Variants in TRAPPC9 observed in about 807,000 individuals in gnomAD.
The protein encoded by TRAPPC9 is trafficking protein particle complex subunit 9.
TRAPPC9 carries 83 observed loss-of-function variants against 124.0 expected under a neutral mutation model. The observed-to-expected ratio is 0.67, with a 90% CI of 0.56 to 0.80. The LOEUF (loss-of-function observed/expected upper bound fraction) is 0.80. Ranked by LOEUF, TRAPPC9 falls within the 30% of genes least tolerant of loss-of-function variation. The pLI is 0.00. For synonymous variants in TRAPPC9, 638 were observed against 617.5 expected (o/e 1.03, Z -0.49); for missense variants, 1,302 against 1,508.3 (o/e 0.86, Z 2.27).
At chr8:140,100,142 G>A (rs955940028) in intron 17 of TRAPPC9, 1 of 151,356 alleles carries the variant, frequency 6.6e-6, no homozygotes, top group Non-Finnish European at 1.5e-5. Flanking sequence ...TCAGGGTATT[G>A]ACGCCCACCC....
intron 19 of TRAPPC9, among the ~76,000 whole-genome samples, chr8:139,922,090 TAG>T (rs1036731454): frequency 6.6e-6 from 1 of 152,052 alleles, no homozygotes; most frequent in Non-Finnish European, 1.5e-5. Flanking sequence ...ACGTTAACTA[TAG>T]AGAGTGAGAA....
At chr8:139,796,721 G>C (rs1037579147) in intron 21 of TRAPPC9, among the ~76,000 whole-genome samples, 1 of 152,212 alleles carries the variant, frequency 6.6e-6, no homozygotes, top group Non-Finnish European at 1.5e-5. Context: ...GAAGGTTTGT[G>C]TACAAGTTTT....
At chr8:139,834,740 C>T (rs1304080243) in intron 21 of TRAPPC9, among the ~76,000 whole-genome samples, 1 of 152,214 alleles carries the variant, frequency 6.6e-6, no homozygotes, top group Non-Finnish European at 1.5e-5. Context: ...TATTTCCATC[C>T]CTCCTTGCCA....
chr8:140,087,286 G>A lies in TRAPPC9; in HGVS notation c.2557-63207C>T, dbSNP rs1844253214. Among the ~76,000 whole-genome samples, 1 of 151,950 alleles carries A rather than the reference G, an allele frequency of 6.6e-6. No individual in the cohort carries two copies. The highest frequency in any genetic ancestry group is 2.1e-4 in the South Asian group (1 of 4,820). ...GCCCCATCACCCTGCAGATGTCGGG[G>A]TGCCTCGAAAGCACAGCACTCTATC... On this transcript the variant is annotated intron_variant, in intron 17 of 22. Coordinates refer to ENST00000438773, the MANE Select transcript of TRAPPC9 (RefSeq NM_001160372.4). The surrounding 1 kb of genome is among the most constrained non-coding windows in gnomAD (Gnocchi z 4.6).
chr8:140,276,133 T>TA (rs1380112076), intron 14 of TRAPPC9, among the ~76,000 whole-genome samples: 1 of 152,206 alleles, frequency 6.6e-6, no homozygotes, highest in Non-Finnish European at 1.5e-5. Flanking sequence ...TTATGGGGTA[T>TA]AAAAATTACA....
At chr8:140,344,484 G>A (rs1270339726) in intron 9 of TRAPPC9, among the ~76,000 whole-genome samples, 5 of 152,164 alleles carry the variant, frequency 3.3e-5, no homozygotes, top group Admixed American at 6.5e-5. Flanking sequence ...CAGAGACTGC[G>A]CAGGACGGTG....
intron 17 of TRAPPC9, among the ~76,000 whole-genome samples, chr8:140,072,792 A>G (rs1563739337): frequency 6.6e-6 from 1 of 152,192 alleles, no homozygotes. Flanking sequence ...TCTTCACTAG[A>G]TACATCTTCA....
At chr8:140,420,124 C>A (rs1462817167) in intron 5 of TRAPPC9, among the ~76,000 whole-genome samples, 5 of 151,996 alleles carry the variant, frequency 3.3e-5, no homozygotes, top group Non-Finnish European at 7.4e-5. Context: ...GAATAAAATA[C>A]TTTTTATTTA....
chr8:139,832,169 G>A (rs1046480238), intron 21 of TRAPPC9, among the ~76,000 whole-genome samples: 3 of 152,126 alleles, frequency 2.0e-5, no homozygotes, highest in East Asian at 1.9e-4. Flanking sequence ...AGGCTCTCCC[G>A]GCCCTGCCAG....
At chr8:139,793,782 C>G (rs1025076740) in intron 21 of TRAPPC9, among the ~76,000 whole-genome samples, 45 of 152,204 alleles carry the variant, frequency 3.0e-4, no homozygotes, top group African/African-American at 9.7e-4. Context: ...GATCCACATC[C>G]AACTTGAGCA....
intron 21 of TRAPPC9, among the ~76,000 whole-genome samples, chr8:139,779,757 G>T (rs1264739530): frequency 1.3e-5 from 2 of 151,950 alleles, no homozygotes; most frequent in East Asian, 3.9e-4. Flanking sequence ...TGACATGGTT[G>T]TCTATTAGAA....
At chr8:139,791,469 GCA>G (rs1266336940) in intron 21 of TRAPPC9, among the ~76,000 whole-genome samples, 2 of 146,924 alleles carry the variant, frequency 1.4e-5, no homozygotes, top group East Asian at 4.0e-4. Context: ...CGTCTCCCGT[GCA>G]CAGACTCACA....
At chr8:139,918,702 C>G (rs984847172) in intron 19 of TRAPPC9, among the ~76,000 whole-genome samples, 1 of 152,258 alleles carries the variant, frequency 6.6e-6, no homozygotes, top group African/African-American at 2.4e-5. Flanking sequence ...CCTTCGCTTG[C>G]ACTTCTCCGG....
chr8:139,932,250 G>A (rs772579916), intron 19 of TRAPPC9: 11 of 449,326 alleles, frequency 2.4e-5, no homozygotes, highest in Non-Finnish European at 4.5e-5. Context: ...AGCCGAGGGA[G>A]TCCCGCACCA....
At chr8:139,851,956 G>A (rs564151126) in intron 21 of TRAPPC9, among the ~76,000 whole-genome samples, 7 of 152,242 alleles carry the variant, frequency 4.6e-5, no homozygotes, top group South Asian at 4.2e-4. Context: ...AATGAAGGAC[G>A]TCTCTGATAT....
intron 21 of TRAPPC9, among the ~76,000 whole-genome samples, chr8:139,885,662 G>GT (rs113557496): frequency 5.6e-4 from 86 of 152,374 alleles, no homozygotes; most frequent in African/African-American, 1.9e-3. Flanking sequence ...TGTCACCGGA[G>GT]TGCTGAGCTG....
At chr8:140,323,681 C>T (rs2066659533) in intron 9 of TRAPPC9, among the ~76,000 whole-genome samples, 1 of 152,046 alleles carries the variant, frequency 6.6e-6, no homozygotes, top group Non-Finnish European at 1.5e-5. Context: ...AGAAAAAACA[C>T]TTTGAGTGTG....
intron 18 of TRAPPC9, among the ~76,000 whole-genome samples, chr8:139,996,130 G>T (rs1453289643): frequency 0.029 from 5 of 172 alleles, no homozygotes; most frequent in African/African-American, 0.076. Flanking sequence ...CGAAAAAGAA[G>T]ATAAAAAAAG....
intron 21 of TRAPPC9, among the ~76,000 whole-genome samples, chr8:139,875,293 G>A (rs777129487): frequency 3.3e-5 from 5 of 151,972 alleles, no homozygotes; most frequent in Admixed American, 1.3e-4. Flanking sequence ...CCTTTCTCCC[G>A]TCCACATGAG....
Sources: allele counts gnomAD v4.1 joint callset (sites outside exome capture counted in the v4.1 genomes callset), GRCh38; gene constraint gnomAD v4.1.1; non-coding constraint Gnocchi (gnomAD v3.1); transcripts MANE v1.5; gene names NCBI Gene and HGNC (gene_info 2026-07-23, HGNC 2026-07-21).